The following AGAP1 variants were observed in gnomAD, a reference collection of about 807,000 sequenced individuals.
AGAP1 encodes the protein ArfGAP with GTPase domain, ankyrin repeat and PH domain 1.
Under a neutral mutation model 105.3 loss-of-function variants are expected in AGAP1, and 29 were observed. The observed-to-expected ratio is 0.28, with a 90% CI of 0.21 to 0.38. The LOEUF is 0.38. Ranked by LOEUF, AGAP1 falls within the 10% of genes least tolerant of loss-of-function variation. The pLI is 1.00. For synonymous variants in AGAP1, 509 were observed against 485.9 expected, an observed-to-expected ratio of 1.05 and a Z score of -0.63; for missense variants, 998 against 1,165.1, an observed-to-expected ratio of 0.86 and a Z score of 2.09.
At chr2:235,946,616 C>G (rs2125242124) in intron 12 of AGAP1, among the ~76,000 whole-genome samples, 1 of 152,304 alleles carries the variant, frequency 6.6e-6, no homozygotes, top group South Asian at 2.1e-4. Context: ...GAAACAATCT[C>G]AGTTCAGAAA....
intron 6 of AGAP1, among the ~76,000 whole-genome samples, chr2:235,771,948 A>G (rs534588587): frequency 4.7e-5 from 7 of 150,070 alleles, no homozygotes; most frequent in South Asian, 2.1e-4. Flanking sequence ...AGTAAATGCA[A>G]TGTTCCGGAG....
chr2:235,831,417 G>A (rs573292646), intron 9 of AGAP1, among the ~76,000 whole-genome samples: 21 of 152,184 alleles, frequency 1.4e-4, no homozygotes, highest in East Asian at 9.7e-4. Context: ...CCACCACTGC[G>A]GTGTATAGGA....
rs1255865496 is a variant in AGAP1, at chr2:236,114,149, G to A, written c.2115-6043G>A. ...TCATTAGCTAACGGAGGCTGTGAAC[G>A]GTGATCCTCCCGGGGATTGGAATGA... On this transcript the variant is annotated intron_variant, in intron 16 of 17. Coordinates refer to ENST00000304032, the MANE Select transcript of AGAP1 (RefSeq NM_001037131.3). This position sits in a 1 kb window ranked among gnomAD's most constrained non-coding sequence, Gnocchi z 5.0. Among the ~76,000 whole-genome samples the A allele has an allele frequency of 2.6e-5, 4 of 152,080 alleles. No homozygotes were observed. Among genetic ancestry groups the A allele is most frequent in the Non-Finnish European group, 4.4e-5 (3 of 68,022 alleles).
At chr2:235,794,022 C>G (rs1476579473) in intron 6 of AGAP1, among the ~76,000 whole-genome samples, 1 of 152,054 alleles carries the variant, frequency 6.6e-6, no homozygotes, top group Non-Finnish European at 1.5e-5. Flanking sequence ...ACAAAATTAT[C>G]CTCAGGTCAA....
intron 1 of AGAP1, among the ~76,000 whole-genome samples, chr2:235,504,167 A>G (rs929064878): frequency 1.3e-5 from 2 of 152,034 alleles, no homozygotes; most frequent in Non-Finnish European, 2.9e-5. Context: ...TTTTTGACAC[A>G]TAACAGAGAA....
In AGAP1 at chr2:235,963,225, G is replaced by A. The variant is rs2054261381; in HGVS notation, c.1484-5237G>A. Among the ~76,000 whole-genome samples, 1 of 152,162 alleles carries A rather than the reference G, an allele frequency of 6.6e-6. No homozygotes were observed. Among genetic ancestry groups the A allele is most frequent in the Admixed American group, 6.5e-5 (1 of 15,282 alleles). On this transcript the variant is annotated intron_variant, in intron 12 of 17. Coordinates refer to ENST00000304032, the MANE Select transcript of AGAP1 (RefSeq NM_001037131.3). This position sits in a 1 kb window ranked among gnomAD's most constrained non-coding sequence, Gnocchi z 5.1. Reference sequence around the variant, plus strand: ...AGATATGGAGAAAGCTTAGAAATGAGAGGGCCCTGTCCCTGTCAACTGTTT... The same window carrying A: ...AGATATGGAGAAAGCTTAGAAATGAAAGGGCCCTGTCCCTGTCAACTGTTT...
At chr2:235,798,868 C>T (rs1051564775) in intron 7 of AGAP1, among the ~76,000 whole-genome samples, 14 of 106,724 alleles carry the variant, frequency 1.3e-4, no homozygotes, top group African/African-American at 4.4e-4. Context: ...GAGACCCTGT[C>T]TCAAAAAAAA....
At chr2:235,978,745 T>G (rs1477512179) in intron 13 of AGAP1, among the ~76,000 whole-genome samples, 2 of 152,188 alleles carry the variant, frequency 1.3e-5, no homozygotes, top group African/African-American at 4.8e-5. Context: ...CTTCTCCCTC[T>G]GTGCATGTCC....
At position 235,855,217 on chromosome 2, in the gene AGAP1, G is replaced by A. The variant is rs567781417; in HGVS notation, c.1051-28128G>A. ...TGACGCATGTGCTGCCATCCCTTGG[G>A]GTGGCGCACGGAAATGGAAGCGTGA... On this transcript the variant is annotated intron_variant, in intron 9 of 17. Coordinates refer to ENST00000304032, the MANE Select transcript of AGAP1 (RefSeq NM_001037131.3). This position sits in a 1 kb window ranked among gnomAD's most constrained non-coding sequence, Gnocchi z 5.0. Among the ~76,000 whole-genome samples the A allele has an allele frequency of 1.3e-5, 2 of 152,304 alleles. No homozygotes were observed. Among genetic ancestry groups the A allele is most frequent in the East Asian group, 3.9e-4 (2 of 5,180 alleles).
In AGAP1 at chr2:235,625,692, A is replaced by G. The variant is rs1946615979; in HGVS notation, c.164-83487A>G. On this transcript the variant is annotated intron_variant, in intron 1 of 17. Transcript: ENST00000304032. The surrounding 1 kb of genome is among the most constrained non-coding windows in gnomAD (Gnocchi z 4.0). ...ATACAGAGTTGGTTGTGACATATTC[A>G]GCTGGGGGAAAATAGTCGTCTGAAA... is the stretch of plus-strand genomic sequence containing the variant. 6.6e-6 allele frequency among the ~76,000 whole-genome samples: 1 copy of G among 152,226 alleles called. No individual in the cohort carries two copies. The highest frequency in any genetic ancestry group is 6.5e-5 in the Admixed American group (1 of 15,284).
In AGAP1 at chr2:235,740,860, G is replaced by A. The variant is rs936091553; in HGVS notation, c.311-103G>A. On this transcript the variant is annotated intron_variant, in intron 3 of 17. Coordinates refer to ENST00000304032, the MANE Select transcript of AGAP1 (RefSeq NM_001037131.3). The surrounding 1 kb of genome is among the most constrained non-coding windows in gnomAD (Gnocchi z 5.7). ...TCCTAAATACTCAGTTGCCTCCAGG[G>A]CGACAGCCTAGGGTGTATTTTTCCA... The A allele has an allele frequency of 1.8e-5, 25 of 1,373,464 alleles. No individual in the cohort carries two copies. The African/African-American group carries it at 3.4e-4, about 19-fold the overall frequency. The allele number at this position is 1,373,464 out of a possible 1,614,324, so 85.1% of individuals were successfully genotyped here. A position where few individuals can be genotyped will look rare whatever the true frequency, so the allele number is the denominator to read the frequency against.
At chr2:236,049,405 A>T in intron 16 of AGAP1, 124 bp downstream of exon 16, 1 of 838,202 alleles carries the variant, frequency 1.2e-6, no homozygotes, top group South Asian at 1.7e-5. Context: ...GGGAATTCCG[A>T]TTCATCCGGC....
intron 7 of AGAP1, among the ~76,000 whole-genome samples, chr2:235,798,870 CAAAAAAAAA>C (rs1041317180): frequency 1.0e-4 from 5 of 49,004 alleles, no homozygotes; most frequent in African/African-American, 2.5e-4. Flanking sequence ...GACCCTGTCT[CAAAAAAAAA>C]AAAAAAAAAA....
intron 16 of AGAP1, among the ~76,000 whole-genome samples, chr2:236,074,930 G>T (rs115673310): frequency 3.3e-5 from 5 of 152,158 alleles, no homozygotes; most frequent in African/African-American, 1.2e-4. Flanking sequence ...TTGCACGCGT[G>T]TAGTCCTAGC....
intron 9 of AGAP1, among the ~76,000 whole-genome samples, chr2:235,813,016 T>C (rs1347115614): frequency 6.6e-6 from 1 of 152,198 alleles, no homozygotes; most frequent in Non-Finnish European, 1.5e-5. Flanking sequence ...CCCAGCCCAG[T>C]TACGATGATT....
chr2:235,577,727 T>G lies in AGAP1; in HGVS notation c.163+82878T>G, dbSNP rs527339583. On this transcript the variant is annotated intron_variant, in intron 1 of 17. Transcript: ENST00000304032. The surrounding 1 kb of genome is among the most constrained non-coding windows in gnomAD (Gnocchi z 4.5). ...TCGAAGGCTTGGCTGATTGAGCCAG[T>G]AAACAAAAAGTGCATTCAACACAGG... 3.3e-5 allele frequency among the ~76,000 whole-genome samples: 5 copies of G among 152,240 alleles called. No individual in the cohort carries two copies. The highest frequency in any genetic ancestry group is 1.2e-4 in the African/African-American group (5 of 41,538).
intron 1 of AGAP1, among the ~76,000 whole-genome samples, chr2:235,499,483 G>T (rs1054647973): frequency 1.3e-5 from 2 of 152,194 alleles, no homozygotes; most frequent in African/African-American, 4.8e-5. Flanking sequence ...TTGAATGAAA[G>T]GTGGCAGGTT....
chr2:235,864,117 C>T lies in AGAP1; in HGVS notation c.1051-19228C>T, dbSNP rs1354355115. ...GGCCGTTCCCACGTGATTTAATAAA[C>T]AGTTGCTGTAGCATGTGTAATCTTT... On this transcript the variant is annotated intron_variant, in intron 9 of 17. Coordinates refer to ENST00000304032, the MANE Select transcript of AGAP1 (RefSeq NM_001037131.3). This position sits in a 1 kb window ranked among gnomAD's most constrained non-coding sequence, Gnocchi z 5.0. Among the ~76,000 whole-genome samples the T allele has an allele frequency of 6.6e-6, 1 of 152,210 alleles. No homozygotes were observed. Among genetic ancestry groups the T allele is most frequent in the Non-Finnish European group, 1.5e-5 (1 of 68,048 alleles).
intron 1 of AGAP1, among the ~76,000 whole-genome samples, chr2:235,640,062 A>G (rs1392698699): frequency 2.6e-5 from 4 of 152,322 alleles, no homozygotes; most frequent in South Asian, 2.1e-4. Flanking sequence ...GTTTACAAGC[A>G]CTTAACTTCA....
Sources: gnomAD v4.1 joint callset for allele counts (sites outside exome capture counted in the v4.1 genomes callset) on GRCh38, gnomAD v4.1.1 for gene constraint, Gnocchi (gnomAD v3.1) non-coding constraint, MANE v1.5 for transcripts, NCBI Gene and HGNC (gene_info 2026-07-23, HGNC 2026-07-21) for gene names.